Variants in LMBRD2 observed in about 807,000 individuals in gnomAD.
The protein encoded by LMBRD2 is LMBR1 domain containing 2, also known as G protein-coupled receptor-associated protein LMBRD2.
LMBRD2 carries 55 observed loss-of-function variants against 94.4 expected under a neutral mutation model. The ratio of observed to expected loss-of-function variants is 0.58; its 90% CI spans 0.47 to 0.73. The LOEUF (loss-of-function observed/expected upper bound fraction) is 0.73, where lower values mean the gene tolerates loss of function less well. Ranked by LOEUF, LMBRD2 falls within the 30% of genes least tolerant of loss-of-function variation. The pLI, the probability that LMBRD2 is intolerant of heterozygous loss-of-function variation, is 0.00. For missense variants in LMBRD2, 640 were observed against 831.9 expected, an observed-to-expected ratio of 0.77 and a Z score of 2.84; for synonymous variants, 246 against 272.4, an observed-to-expected ratio of 0.90 and a Z score of 0.95.
chr5:36,149,491 T>C (rs1744636117), intron 1 of LMBRD2, among the ~76,000 whole-genome samples: 1 of 152,214 alleles, frequency 6.6e-6, no homozygotes. Context: ...ATAGTCCACA[T>C]CCTTAGCAGG....
chr5:36,110,073 A>T, intron 14 of LMBRD2, 82 bp from the exon 15 acceptor site: 1 of 1,011,066 alleles, frequency 9.9e-7, no homozygotes, highest in Non-Finnish European at 1.5e-6. Flanking sequence ...ATAGCGGGCA[A>T]TGACCAGTAT....
intron 6 of LMBRD2, among the ~76,000 whole-genome samples, chr5:36,126,259 G>A (rs1054018396): frequency 2.6e-5 from 4 of 152,028 alleles, no homozygotes; most frequent in African/African-American, 9.7e-5. Context: ...TAAACAATTT[G>A]TTTATATATT....
Position 36,103,994 on chromosome 5 carries a change from A to G in LMBRD2, c.*52T>C. The G allele has an allele frequency of 7.8e-7, 1 of 1,288,106 alleles. No individual in the cohort carries two copies. Among genetic ancestry groups the G allele is most frequent in the East Asian group, 2.4e-5 (1 of 41,984 alleles). 79.8% of individuals were successfully genotyped at this position (1,288,106 alleles called of 1,614,324 possible). ...CTAGGGTACACAGATGTTCATCAAG[A>G]CTGAACTGATGTGTTGACCTTGGTT... On this transcript the variant is annotated 3_prime_UTR_variant, in exon 18 of 18. Coordinates refer to ENST00000296603, the MANE Select transcript of LMBRD2 (RefSeq NM_001007527.2).
rs371599030 is a variant in LMBRD2 at position 36,122,333 on chromosome 5, T to A, written c.1067A>T (p.Gln356Leu). The change falls in exon 9 of 18, where the codon CAA (glutamine) becomes CTA (leucine). Residue 356 changes from glutamine to leucine, a missense_variant. Physicochemically the swap from Gln to Leu is moderately radical, Grantham distance 113. Coordinates refer to ENST00000296603, the MANE Select transcript of LMBRD2 (RefSeq NM_001007527.2). ...AAATCGATTTTCTGGCTCTGGCGAT[T>A]GAAAGGTGTGAACAAACTGATGAGT... ...SATHQFVHTF[Q>L]SPEPENRFIQ... The A allele has an allele frequency of 1.9e-6, 3 of 1,608,434 alleles. No individual in the cohort carries two copies. Among genetic ancestry groups the A allele is most frequent in the Non-Finnish European group, 2.5e-6 (3 of 1,178,622 alleles).
chr5:36,114,110 G>A (rs1159446320), intron 13 of LMBRD2, among the ~76,000 whole-genome samples: 4 of 152,154 alleles, frequency 2.6e-5, no homozygotes, highest in African/African-American at 9.7e-5. Flanking sequence ...GGCTACGATA[G>A]CTGTCAGTGT....
intron 6 of LMBRD2, among the ~76,000 whole-genome samples, chr5:36,135,646 T>C (rs1489867168): frequency 2.0e-5 from 3 of 152,164 alleles, no homozygotes; most frequent in African/African-American, 7.2e-5. Flanking sequence ...CTGAGTAGCA[T>C]ATTTTCCCTG....
intron 4 of LMBRD2, 101 bp from the exon 5 acceptor site, chr5:36,137,542 G>T (rs74723180): frequency 0.011 from 6,722 of 628,270 alleles, 60 homozygotes; most frequent in Non-Finnish European, 0.012. Context: ...TAATGAATAG[G>T]TCTTCTCATT....
intron 6 of LMBRD2, among the ~76,000 whole-genome samples, chr5:36,126,505 G>GT (rs1744010604): frequency 6.6e-6 from 1 of 152,124 alleles, no homozygotes. Context: ...TTCTAAGCAG[G>GT]TCAGACAGCA....
chr5:36,125,700 A>G (rs76977433), intron 6 of LMBRD2, among the ~76,000 whole-genome samples: 4,580 of 152,312 alleles, frequency 0.03, 238 homozygotes, highest in African/African-American at 0.1. Flanking sequence ...TACTTTATAA[A>G]TAATCTGTAC....
At chr5:36,141,085 T>A in intron 4 of LMBRD2, 22 bp downstream of exon 4, 2 of 1,413,628 alleles carry the variant, frequency 1.4e-6, no homozygotes, top group Non-Finnish European at 2.0e-6. Flanking sequence ...TTTTAAAAAT[T>A]TTATCATTTA....
At chr5:36,112,669 T>A (rs1743640369) in intron 13 of LMBRD2, among the ~76,000 whole-genome samples, 1 of 152,214 alleles carries the variant, frequency 6.6e-6, no homozygotes, top group African/African-American at 2.4e-5. Flanking sequence ...AATGATTATC[T>A]TAACAATTTT....
rs1280605184 is a variant in LMBRD2 at position 36,129,397 on chromosome 5, AAT to A, written c.748-5134_748-5133del. 2.0e-5 allele frequency among the ~76,000 whole-genome samples: 3 copies of A among 152,296 alleles called. No homozygotes were observed. The East Asian group carries it at 5.8e-4, about 29-fold the overall frequency. ...AACAAATAACACACAATGGAGCTCCAATATGTCTGGCAACAGGCTTCTCAGTG... is the reference window on the plus strand; with the variant it reads ...AACAAATAACACACAATGGAGCTCCAATGTCTGGCAACAGGCTTCTCAGTG... On this transcript the variant is annotated intron_variant, in intron 6 of 17. Coordinates refer to ENST00000296603, the MANE Select transcript of LMBRD2 (RefSeq NM_001007527.2).
rs1743337907 is a variant in LMBRD2 at position 36,101,119 on chromosome 5, G to C, written c.*2927C>G. 6.6e-6 allele frequency: 1 copy of C among 151,944 alleles called. No homozygotes were observed. The highest frequency in any genetic ancestry group is 2.4e-5 in the African/African-American group (1 of 41,426). The allele number at this position is 151,944 out of a possible 1,614,324, so 9.4% of individuals were successfully genotyped here. A position where few individuals can be genotyped will look rare whatever the true frequency, so the allele number is the denominator to read the frequency against. ...TTAGTTCTTACCATTTCTGTGAAAT[G>C]AGGGCCTCTTATGCAATGAGATTAT... is the stretch of plus-strand genomic sequence containing the variant. On this transcript the variant is annotated 3_prime_UTR_variant, in exon 18 of 18. Transcript: ENST00000296603.
Position 36,116,605 on chromosome 5 carries a change from CA to C in LMBRD2, c.1303-13del. 2 of 1,608,870 alleles carry C rather than the reference CA, an allele frequency of 1.2e-6. No individual in the cohort carries two copies. Among genetic ancestry groups the C allele is most frequent in the Non-Finnish European group, 8.5e-7 (1 of 1,178,506 alleles). ...AGGAAGCAGGCAATCTGGAAAAAAA[CA>C]AAAACAAAGCAGTTTGTTTAAAACA... On this transcript the variant is annotated splice_polypyrimidine_tract_variant and intron_variant, in intron 10 of 17. Transcript: ENST00000296603.
rs145991331 is a variant in LMBRD2 at position 36,102,291 on chromosome 5, C to T, written c.*1755G>A. On this transcript the variant is annotated 3_prime_UTR_variant, in exon 18 of 18. Transcript: ENST00000296603. ...GTAAGGTAGATCAGCAGGTAAATAG[C>T]AAGTATCATCTTCATTCTGCAAATG... 1 of 151,928 alleles carries T rather than the reference C, an allele frequency of 6.6e-6. No individual in the cohort carries two copies. Among genetic ancestry groups the T allele is most frequent in the East Asian group, 1.9e-4 (1 of 5,174 alleles). 9.4% of individuals were successfully genotyped at this position (151,928 alleles called of 1,614,324 possible).
intron 11 of LMBRD2, 121 bp downstream of exon 11, chr5:36,116,339 T>A: frequency 1.1e-6 from 1 of 900,214 alleles, no homozygotes; most frequent in Non-Finnish European, 1.7e-6. Flanking sequence ...TTGAAACTAA[T>A]CAATTAGCTG....
intron 8 of LMBRD2, 83 bp from the exon 9 acceptor site, chr5:36,122,546 G>A (rs1743911560): frequency 1.4e-5 from 17 of 1,206,146 alleles, no homozygotes; most frequent in Non-Finnish European, 2.0e-5. Flanking sequence ...TGTTTGGATT[G>A]TCATAACAAT....
chr5:36,147,830 GA>G (rs1744586234), intron 1 of LMBRD2: 5 of 404,914 alleles, frequency 1.2e-5, no homozygotes, highest in Admixed American at 1.0e-4. Context: ...CAAGTGATCA[GA>G]ACACAAACAA....
chr5:36,112,639 A>G (rs1017686978), intron 13 of LMBRD2, among the ~76,000 whole-genome samples: 1 of 152,160 alleles, frequency 6.6e-6, no homozygotes, highest in African/African-American at 2.4e-5. Flanking sequence ...TATCCTGATT[A>G]ACTCTAGAAA....
Sources: gnomAD v4.1 joint callset for allele counts (sites outside exome capture counted in the v4.1 genomes callset) on GRCh38, gnomAD v4.1.1 for gene constraint, MANE v1.5 for transcripts, NCBI Gene and HGNC (gene_info 2026-07-23, HGNC 2026-07-21) for gene names.